The following FUBP3 variants were observed in gnomAD, a reference collection of about 807,000 sequenced individuals.
FUBP3 encodes the protein far upstream element binding protein 3.
A neutral mutation model predicts 85.6 loss-of-function variants in FUBP3; 28 were observed. The observed-to-expected ratio is 0.33, with a 90% CI of 0.24 to 0.45. The LOEUF is 0.45. Ranked by LOEUF, FUBP3 falls within the 20% of genes least tolerant of loss-of-function variation. The pLI is 1.00. For synonymous variants in FUBP3, 271 were observed against 271.4 expected (o/e 1.00, Z 0.01); for missense variants, 583 against 755.1 (o/e 0.77, Z 2.67).
rs762778411 is a variant in FUBP3 at position 130,616,428 on chromosome 9, A to G, written c.478A>G (p.Ser160Gly). Residue 160 changes from serine to glycine, a missense_variant, in exon 7 of 19, where the codon AGC becomes GGC. Coordinates refer to ENST00000319725, the MANE Select transcript of FUBP3 (RefSeq NM_003934.2). The surrounding 1 kb of genome is among the most constrained non-coding windows in gnomAD (Gnocchi z 4.7). ...NGPGFHNDID[S>G]NSTIQEILIP... Reference sequence around the variant, plus strand: ...ACCTGGCTTTCATAATGACATAGACAGCAACAGCACAATCCAGGAGATTCT... The same window carrying G: ...ACCTGGCTTTCATAATGACATAGACGGCAACAGCACAATCCAGGAGATTCT... 5 of 1,613,914 alleles carry G rather than the reference A, an allele frequency of 3.1e-6. No homozygotes were observed. In the South Asian group the frequency reaches 3.3e-5, roughly 11 times the overall value.
chr9:130,597,403 C>G (rs1050085873), intron 2 of FUBP3, among the ~76,000 whole-genome samples: 3 of 152,090 alleles, frequency 2.0e-5, no homozygotes, highest in Non-Finnish European at 2.9e-5. Context: ...CAAAGAAAAC[C>G]CAAGCCAAAC....
chr9:130,634,533 C>T, intron 16 of FUBP3, 134 bp from the exon 17 acceptor site: 1 of 652,664 alleles, frequency 1.5e-6, no homozygotes, highest in East Asian at 2.8e-5. Flanking sequence ...CACCTCCTTC[C>T]CAGGCAGGGC....
intron 2 of FUBP3, among the ~76,000 whole-genome samples, chr9:130,596,337 G>A (rs1167302550): frequency 1.3e-5 from 2 of 151,912 alleles, no homozygotes; most frequent in Non-Finnish European, 2.9e-5. Context: ...TTTTTCTGTC[G>A]CTATGTACCC....
chr9:130,599,791 A>G (rs1588128358), intron 2 of FUBP3, among the ~76,000 whole-genome samples: 1 of 152,066 alleles, frequency 6.6e-6, no homozygotes, highest in African/African-American at 2.4e-5. Flanking sequence ...TCATGTTTCA[A>G]CTGGAGCCTC....
rs1406444076 is a variant in FUBP3 at position 130,634,728 on chromosome 9, C to A, written c.1572C>A (p.Tyr524Ter). The change falls in exon 17 of 19, where the codon TAC becomes TAA. Residue 524 changes from tyrosine to a stop codon, truncating the protein, a stop_gained. Transcript: ENST00000319725. LOFTEE classifies it high-confidence loss of function. ...ACAGCAAGGCCTGGGAAGACTATTA[C>A]AAAAAACAGAGTGAGTGCCCGGCCC... ...PNYSKAWEDY[Y>*]KKQSHAASAA... 1.2e-6 allele frequency: 2 copies of A among 1,613,430 alleles called. No individual in the cohort carries two copies. Among genetic ancestry groups the A allele is most frequent in the Non-Finnish European group, 1.7e-6 (2 of 1,179,640 alleles).
At chr9:130,582,261 G>T (rs1358460076) in intron 1 of FUBP3, among the ~76,000 whole-genome samples, 1 of 151,952 alleles carries the variant, frequency 6.6e-6, no homozygotes, top group Non-Finnish European at 1.5e-5. Context: ...TACCAGCCTG[G>T]GCAACATAGC....
At chr9:130,610,352 C>T (rs946186005) in intron 3 of FUBP3, among the ~76,000 whole-genome samples, 1 of 152,154 alleles carries the variant, frequency 6.6e-6, no homozygotes, top group African/African-American at 2.4e-5. Flanking sequence ...AGAGACACCT[C>T]GAAGTGTGAG....
intron 12 of FUBP3, among the ~76,000 whole-genome samples, chr9:130,629,382 G>A (rs746246466): frequency 1.3e-5 from 2 of 152,218 alleles, no homozygotes; most frequent in African/African-American, 4.8e-5. Context: ...CTTAACCAAC[G>A]TCTTCTGCAT....
At chr9:130,609,825 C>G (rs1184270923) in intron 2 of FUBP3, 129 bp from the exon 3 acceptor site, 1 of 727,434 alleles carries the variant, frequency 1.4e-6, no homozygotes. Flanking sequence ...GCCACTGAGC[C>G]TAAATTACTG....
At chr9:130,579,890 T>C (rs1387023453) in intron 1 of FUBP3, 126 bp downstream of exon 1, 1 of 523,408 alleles carries the variant, frequency 1.9e-6, no homozygotes, top group East Asian at 3.6e-5. Context: ...GCCGGGCCGT[T>C]CCGTGGAGTT....
intron 13 of FUBP3, chr9:130,631,120 C>T (rs933439117): frequency 9.5e-6 from 11 of 1,155,070 alleles, no homozygotes; most frequent in South Asian, 3.8e-5. Flanking sequence ...ATTGCCCTGG[C>T]GGCCAGCCCA....
At chr9:130,593,230 GGTAAT>G (rs1350994938) in intron 1 of FUBP3, among the ~76,000 whole-genome samples, 1 of 152,118 alleles carries the variant, frequency 6.6e-6, no homozygotes, top group Non-Finnish European at 1.5e-5. Context: ...CTCTTACTGT[GGTAAT>G]GCTTATCACC....
chr9:130,620,210 T>A (rs1829690798), intron 8 of FUBP3, 144 bp from the exon 9 acceptor site: 1 of 516,772 alleles, frequency 1.9e-6, no homozygotes, highest in Non-Finnish European at 3.5e-6. Context: ...TCCCCCTACA[T>A]GTCCCATAAG....
intron 2 of FUBP3, among the ~76,000 whole-genome samples, chr9:130,607,728 C>T (rs537732500): frequency 2.0e-5 from 3 of 152,178 alleles, no homozygotes; most frequent in South Asian, 2.1e-4. Flanking sequence ...GGGAATGTTC[C>T]GAAGGGAATG....
At chr9:130,632,597 G>A (rs1830259693) in intron 16 of FUBP3, among the ~76,000 whole-genome samples, 1 of 152,254 alleles carries the variant, frequency 6.6e-6, no homozygotes, top group Non-Finnish European at 1.5e-5. Context: ...GTGGGGATGG[G>A]TTGAGCCAGC....
chr9:130,622,384 C>CCCTTTGG (rs1008656042), intron 9 of FUBP3, among the ~76,000 whole-genome samples: 1 of 150,208 alleles, frequency 6.7e-6, no homozygotes, highest in African/African-American at 2.5e-5. Context: ...GTAATCCCAG[C>CCCTTTGG]CCTTTGGGAG....
At chr9:130,623,840 G>A in intron 11 of FUBP3, 129 bp downstream of exon 11, 1 of 506,798 alleles carries the variant, frequency 2.0e-6, no homozygotes, top group Non-Finnish European at 3.5e-6. Flanking sequence ...GAAACCAGCA[G>A]TTTCTCTACA....
chr9:130,623,705 A>G lies in FUBP3; in HGVS notation c.969A>G (p.Thr323=), dbSNP rs775045112. Residue 323 remains threonine, a synonymous_variant, in exon 11 of 19, where the codon ACA becomes ACG. Coordinates refer to ENST00000319725, the MANE Select transcript of FUBP3 (RefSeq NM_003934.2). ...ATATCATCAGCGAGCTGATTCTTAC[A>G]GCCCAGGTGGGTCCAGCTCTGCAGA... ...AAHIISELIL[T]AQERDGFGGL... 1.9e-6 allele frequency: 3 copies of G among 1,609,184 alleles called. No individual in the cohort carries two copies. Among genetic ancestry groups the G allele is most frequent in the Admixed American group, 1.7e-5 (1 of 59,988 alleles).
intron 8 of FUBP3, among the ~76,000 whole-genome samples, 181 bp from the exon 9 acceptor site, chr9:130,620,173 C>T (rs1452924344): frequency 6.6e-6 from 1 of 152,196 alleles, no homozygotes; most frequent in African/African-American, 2.4e-5. Flanking sequence ...GTGGAAAGAA[C>T]ACATCACTTA....
Sources: gnomAD v4.1 joint callset for allele counts (sites outside exome capture counted in the v4.1 genomes callset) on GRCh38, gnomAD v4.1.1 for gene constraint, Gnocchi (gnomAD v3.1) non-coding constraint, MANE v1.5 for transcripts, NCBI Gene and HGNC (gene_info 2026-07-23, HGNC 2026-07-21) for gene names.